The following KATNAL2 variants were observed in gnomAD, a reference collection of about 807,000 sequenced individuals.
KATNAL2 encodes katanin catalytic subunit A1 like 2.
Under a neutral mutation model 76.3 loss-of-function variants are expected in KATNAL2, and 52 were observed. The ratio of observed to expected loss-of-function variants is 0.68; its 90% CI spans 0.55 to 0.86. The LOEUF (loss-of-function observed/expected upper bound fraction) is 0.86. KATNAL2 is among the 40% of genes least tolerant of loss of function. KATNAL2 has a pLI of 0.00. For synonymous variants in KATNAL2, 243 were observed against 244.2 expected, an observed-to-expected ratio of 1.00 and a Z score of 0.05; for missense variants, 660 against 668.9, an observed-to-expected ratio of 0.99 and a Z score of 0.15.
At chr18:46,923,255 G>C (rs1256882341) in intron 1 of KATNAL2, among the ~76,000 whole-genome samples, 2 of 123,616 alleles carry the variant, frequency 1.6e-5, no homozygotes, top group Non-Finnish European at 3.1e-5. Context: ...GGTGTGTGAT[G>C]TTCCCCTTCC....
intron 15 of KATNAL2, among the ~76,000 whole-genome samples, chr18:47,082,488 A>T (rs1432982040): frequency 6.6e-6 from 1 of 152,242 alleles, no homozygotes; most frequent in Non-Finnish European, 1.5e-5. Context: ...TGTTTATTAA[A>T]AAAATAAAAT....
intron 5 of KATNAL2, 56 bp from the exon 6 acceptor site, chr18:47,054,340 C>A: frequency 1.3e-6 from 2 of 1,481,782 alleles, no homozygotes; most frequent in South Asian, 1.2e-5. Context: ...TGAAAAAAAT[C>A]ACTTTGTCAC....
intron 3 of KATNAL2, among the ~76,000 whole-genome samples, chr18:46,955,362 A>G (rs1353099661): frequency 2.7e-5 from 4 of 150,428 alleles, no homozygotes; most frequent in African/African-American, 7.3e-5. Context: ...GATTACAGGC[A>G]TGCGCCACCA....
At chr18:47,048,744 A>G (rs2147073119) in intron 4 of KATNAL2, among the ~76,000 whole-genome samples, 1 of 151,856 alleles carries the variant, frequency 6.6e-6, no homozygotes, top group East Asian at 1.9e-4. Flanking sequence ...GAAAGTGCTA[A>G]GTGTTCAATC....
At chr18:47,093,401 C>CTTTTTTTT (rs557793941) in intron 15 of KATNAL2, among the ~76,000 whole-genome samples, 1 of 127,754 alleles carries the variant, frequency 7.8e-6, no homozygotes, top group African/African-American at 2.9e-5. Context: ...TTTCTCTGTC[C>CTTTTTTTT]TTTTTTTTTT....
At chr18:47,055,624 G>A (rs1599687476) in intron 6 of KATNAL2, among the ~76,000 whole-genome samples, 1 of 152,214 alleles carries the variant, frequency 6.6e-6, no homozygotes, top group Non-Finnish European at 1.5e-5. Context: ...TTTGACAAAA[G>A]TGTTATTCTT....
intron 3 of KATNAL2, among the ~76,000 whole-genome samples, chr18:47,031,825 A>C (rs772721265): frequency 1.3e-5 from 2 of 152,076 alleles, no homozygotes; most frequent in African/African-American, 4.8e-5. Flanking sequence ...CCCTTTTCCC[A>C]GAAAGAATGC....
In KATNAL2 at chr18:47,034,385, C is replaced by T. The variant is rs1384555187; in HGVS notation, c.52-12072C>T. On this transcript the variant is annotated intron_variant, in intron 3 of 17. Transcript: ENST00000683218. ...TCTGGAGCCTCCTCCAAGGCAGGGA[C>T]ACGCTGGCCGCTGCCAGCTTGCCCC... The T allele has an allele frequency of 3.7e-6, 6 of 1,614,060 alleles. No individual in the cohort carries two copies. The highest frequency in any genetic ancestry group is 4.2e-6 in the Non-Finnish European group (5 of 1,180,034).
chr18:46,941,588 T>A (rs114456452), intron 1 of KATNAL2, among the ~76,000 whole-genome samples: 2 of 152,188 alleles, frequency 1.3e-5, no homozygotes, highest in African/African-American at 4.8e-5. Flanking sequence ...CGTATCCACC[T>A]AATAGTATAA....
At chr18:47,061,408 C>T (rs894859113) in intron 8 of KATNAL2, among the ~76,000 whole-genome samples, 1 of 152,086 alleles carries the variant, frequency 6.6e-6, no homozygotes, top group Admixed American at 6.5e-5. Flanking sequence ...CCAGGTCCCT[C>T]GTGAACTAAT....
At chr18:46,936,800 A>T (rs762821965) in intron 1 of KATNAL2, among the ~76,000 whole-genome samples, 84 of 152,154 alleles carry the variant, frequency 5.5e-4, no homozygotes, top group Non-Finnish European at 1.0e-3. Context: ...AAAAATATTT[A>T]AAAAATTAGC....
chr18:46,959,910 A>G (rs1188309049), intron 3 of KATNAL2, among the ~76,000 whole-genome samples: 4 of 152,210 alleles, frequency 2.6e-5, no homozygotes, highest in Non-Finnish European at 1.5e-5. Context: ...TATAAATTTC[A>G]CCACCCAAAT....
intron 3 of KATNAL2, among the ~76,000 whole-genome samples, chr18:46,951,060 C>T (rs2059539993): frequency 1.3e-5 from 2 of 152,118 alleles, no homozygotes. Flanking sequence ...GCACTGAACT[C>T]CCTTCTACTT....
chr18:46,961,310 G>A (rs1422970930), intron 3 of KATNAL2, among the ~76,000 whole-genome samples: 3 of 152,164 alleles, frequency 2.0e-5, no homozygotes, highest in Non-Finnish European at 4.4e-5. Context: ...GTGGGTAGCA[G>A]GAGAAGTGGT....
chr18:47,069,463 TTTA>T lies in KATNAL2; in HGVS notation c.890-17_890-15del. On this transcript the variant is annotated splice_polypyrimidine_tract_variant and intron_variant, in intron 12 of 17. Coordinates refer to ENST00000683218, the MANE Select transcript of KATNAL2 (RefSeq NM_001387690.1). ...ATGGAGTTGAAATGCCTGCTCATCT[TTTA>T]TGTGTTTCTCTTTAGGTACAGGAAA... 1 of 1,572,080 alleles carries T rather than the reference TTTA, an allele frequency of 6.4e-7. No individual in the cohort carries two copies. Among genetic ancestry groups the T allele is most frequent in the Non-Finnish European group, 8.7e-7 (1 of 1,147,092 alleles).
At chr18:46,962,063 T>C (rs1159225485) in intron 3 of KATNAL2, among the ~76,000 whole-genome samples, 1 of 152,154 alleles carries the variant, frequency 6.6e-6, no homozygotes, top group South Asian at 2.1e-4. Flanking sequence ...TATGAGGAAA[T>C]GCATAGGCTG....
intron 1 of KATNAL2, among the ~76,000 whole-genome samples, chr18:46,930,683 C>T (rs2058880003): frequency 6.6e-6 from 1 of 151,118 alleles, no homozygotes; most frequent in Non-Finnish European, 1.5e-5. Context: ...GGTGTTGTGG[C>T]AGGCACCTGT....
chr18:46,941,877 C>A (rs1162446500), intron 1 of KATNAL2, among the ~76,000 whole-genome samples: 2 of 152,116 alleles, frequency 1.3e-5, no homozygotes. Flanking sequence ...AGGGTGCCTA[C>A]CCTTACAGAT....
chr18:47,050,448 T>G (rs544783023), intron 4 of KATNAL2, among the ~76,000 whole-genome samples: 10 of 152,352 alleles, frequency 6.6e-5, no homozygotes, highest in African/African-American at 2.4e-4. Flanking sequence ...ACAATGTATT[T>G]TTTGTTCCAG....
Sources: gnomAD v4.1 joint callset for allele counts (sites outside exome capture counted in the v4.1 genomes callset) on GRCh38, gnomAD v4.1.1 for gene constraint, MANE v1.5 for transcripts, NCBI Gene and HGNC (gene_info 2026-07-23, HGNC 2026-07-21) for gene names.